Variants in INTS6 observed in about 807,000 individuals in gnomAD.
INTS6 encodes integrator complex subunit 6, also known as DEAD box protein.
INTS6 carries 16 observed loss-of-function variants against 104.9 expected under a neutral mutation model. The ratio of observed to expected loss-of-function variants is 0.15; its 90% confidence interval spans 0.10 to 0.23. The LOEUF (loss-of-function observed/expected upper bound fraction) is 0.23, where lower values mean the gene tolerates loss of function less well. Among genes scored for constraint, INTS6 ranks in the 10% least tolerant of loss-of-function variants. INTS6 has a pLI of 1.00. For synonymous variants in INTS6, 324 were observed against 358.7 expected, an observed-to-expected ratio of 0.90 and a Z score of 1.09; for missense variants, 584 against 1,062.8, an observed-to-expected ratio of 0.55 and a Z score of 6.26.
chr13:51,379,298 C>T (rs1347188656), intron 11 of INTS6, among the ~76,000 whole-genome samples, 164 bp downstream of exon 11: 1 of 151,774 alleles, frequency 6.6e-6, no homozygotes, highest in Non-Finnish European at 1.5e-5. Flanking sequence ...ACATAGCACA[C>T]CATGGATGTG....
chr13:51,354,977 T>C, intron 3 of INTS6: 1 of 771,966 alleles, frequency 1.3e-6, no homozygotes, highest in Non-Finnish European at 2.2e-6. Flanking sequence ...TTGGACTTCA[T>C]GTGGTGTGTA....
At chr13:51,451,936 A>G (rs374891503) in intron 2 of INTS6, 42 bp downstream of exon 2, 2 of 1,451,914 alleles carry the variant, frequency 1.4e-6, no homozygotes, top group Non-Finnish European at 1.9e-6. Flanking sequence ...AGGAAGGAAC[A>G]GGGAAGGGAA....
At chr13:51,405,314 T>TA (rs1033926139) in intron 4 of INTS6, among the ~76,000 whole-genome samples, 3 of 151,898 alleles carry the variant, frequency 2.0e-5, no homozygotes, top group African/African-American at 4.8e-5. Context: ...TATAGGGAGA[T>TA]AGAGAAATAA....
At chr13:51,355,227 G>C (rs2137805674) in intron 3 of INTS6, 1 of 523,200 alleles carries the variant, frequency 1.9e-6, no homozygotes. Context: ...TCTCATTTCA[G>C]AGTCAACATT....
the INTS6 span, chr13:51,348,743 C>T: frequency 2.6e-4 from 71 of 278,320 alleles, no homozygotes; most frequent in Non-Finnish European, 4.3e-4. Flanking sequence ...AAAGGAAATG[C>T]TCGTGGTTCC....
At chr13:51,441,678 C>T (rs1423479413) in intron 3 of INTS6, 2 of 152,144 alleles carry the variant, frequency 1.3e-5, no homozygotes, top group Non-Finnish European at 1.5e-5. Flanking sequence ...TAACTAGCTA[C>T]ACATCAGAAA....
intron 7 of INTS6, among the ~76,000 whole-genome samples, chr13:51,385,690 A>G (rs1956130853): frequency 6.6e-6 from 1 of 152,052 alleles, no homozygotes; most frequent in African/African-American, 2.4e-5. Flanking sequence ...TTCAGTAGCA[A>G]TATTTCTTCA....
chr13:51,344,972 A>G, the INTS6 span, among the ~76,000 whole-genome samples: 1 of 152,140 alleles, frequency 6.6e-6, no homozygotes, highest in Non-Finnish European at 1.5e-5. Context: ...GAAGAAAGAG[A>G]CTTACAAACA....
chr13:51,409,231 CCAGCCTGGGTGACAGAGTGAGAAT>C (rs1213279067), intron 4 of INTS6, among the ~76,000 whole-genome samples: 3 of 149,308 alleles, frequency 2.0e-5, no homozygotes, highest in African/African-American at 7.4e-5. Flanking sequence ...CCACTGCACT[CCAGCCTGGGTGACAGAGTGAGAAT>C]CCGTCTCAAA....
chr13:51,435,419 C>T (rs906260790), intron 3 of INTS6, among the ~76,000 whole-genome samples: 7 of 151,878 alleles, frequency 4.6e-5, no homozygotes, highest in African/African-American at 1.7e-4. Flanking sequence ...TAAAGCAAAA[C>T]CTTTTACTTC....
At chr13:51,407,681 T>C (rs1014209240) in intron 4 of INTS6, among the ~76,000 whole-genome samples, 2 of 152,138 alleles carry the variant, frequency 1.3e-5, no homozygotes, top group Non-Finnish European at 2.9e-5. Context: ...TAAAGTATGA[T>C]TTTAAAAAAA....
At chr13:51,413,745 C>T (rs1472034872) in intron 4 of INTS6, among the ~76,000 whole-genome samples, 2 of 152,154 alleles carry the variant, frequency 1.3e-5, no homozygotes, top group Non-Finnish European at 2.9e-5. Context: ...TGGCAATGCA[C>T]CCTTTTCTAA....
chr13:51,439,106 T>C (rs1442638995), intron 3 of INTS6: 1 of 152,242 alleles, frequency 6.6e-6, no homozygotes, highest in Non-Finnish European at 1.5e-5. Flanking sequence ...GCATCAACTC[T>C]GTCATTTCCT....
intron 4 of INTS6, among the ~76,000 whole-genome samples, chr13:51,427,038 T>C (rs557365541): frequency 2.6e-5 from 4 of 152,192 alleles, no homozygotes; most frequent in Admixed American, 2.0e-4. Context: ...TCATATGATA[T>C]AAGGATGATT....
chr13:51,393,342 T>C (rs1210599951), intron 5 of INTS6, among the ~76,000 whole-genome samples: 1 of 152,162 alleles, frequency 6.6e-6, no homozygotes, highest in Non-Finnish European at 1.5e-5. Flanking sequence ...CCTTCGAAAG[T>C]GCTGGGATTA....
chr13:51,443,903 T>C (rs1952844049), intron 3 of INTS6: 1 of 152,222 alleles, frequency 6.6e-6, no homozygotes. Flanking sequence ...TAACTAATTT[T>C]GACCACAAAT....
chr13:51,426,579 A>G (rs1180785602), intron 4 of INTS6, among the ~76,000 whole-genome samples: 1 of 152,146 alleles, frequency 6.6e-6, no homozygotes, highest in Admixed American at 6.6e-5. Context: ...CTTAGTATGT[A>G]TCCTTATTTT....
chr13:51,375,447 A>G (rs1955901476), intron 13 of INTS6, among the ~76,000 whole-genome samples: 1 of 149,656 alleles, frequency 6.7e-6, no homozygotes, highest in Non-Finnish European at 1.5e-5. Context: ...ATTATAGTAG[A>G]ATTTGTAGAA....
the INTS6 span, chr13:51,341,317 C>G: frequency 3.1e-6 from 5 of 1,609,198 alleles, no homozygotes; most frequent in Non-Finnish European, 4.2e-6. Flanking sequence ...TGGTCAGCAG[C>G]TGGCAGATGC....
Sources: gnomAD v4.1 joint callset for allele counts (sites outside exome capture counted in the v4.1 genomes callset) on GRCh38, gnomAD v4.1.1 for gene constraint, MANE v1.5 for transcripts, NCBI Gene and HGNC (gene_info 2026-07-23, HGNC 2026-07-21) for gene names.